GK: variants seen among roughly 807,000 people sequenced by gnomAD.
GK encodes ATP:glycerol 3-phosphotransferase.
In GK, 9 loss-of-function variants were observed where a neutral mutation model predicts 56.4. That is an observed-to-expected ratio of 0.16 (90% confidence interval 0.10 to 0.28). The LOEUF (loss-of-function observed/expected upper bound fraction) is 0.28. Ranked by LOEUF, GK falls within the 10% of genes least tolerant of loss-of-function variation. GK has a pLI of 1.00. For missense variants in GK, 161 were observed against 431.4 expected, an observed-to-expected ratio of 0.37 and a Z score of 5.55; for synonymous variants, 104 against 144.1, an observed-to-expected ratio of 0.72 and a Z score of 1.99.
chrX:30,685,232 C>T (rs1283122859), intron 4 of GK, among the ~76,000 whole-genome samples: 1 of 110,488 alleles, frequency 9.1e-6, no homozygotes, highest in African/African-American at 3.3e-5. Context: ...CCCGGGTTCA[C>T]GCCATTCTCC....
intron 4 of GK, chrX:30,677,864 C>T: frequency 4.5e-6 from 2 of 444,192 alleles, no homozygotes; most frequent in Admixed American, 7.9e-5. Context: ...CACATGCAGT[C>T]ATGGTACCTA....
intron 4 of GK, among the ~76,000 whole-genome samples, chrX:30,688,538 A>G (rs1284423817): frequency 9.2e-6 from 1 of 108,744 alleles, no homozygotes; most frequent in African/African-American, 3.3e-5. Context: ...AGAGAGAGAA[A>G]GAAAACAGGT....
In GK at chrX:30,727,649, T is replaced by G. The variant is rs375216871; in HGVS notation, c.1669+97T>G. The G allele has an allele frequency of 3.7e-3, 2,071 of 563,877 alleles. 31 individuals are homozygous for G. In the South Asian group the frequency reaches 0.052, roughly 14 times the overall value. 46.5% of individuals were successfully genotyped at this position (563,877 alleles called of 1,213,427 possible). ...TTTTCAGTGTTTTTCATTCTTTCTG[T>G]GTCTAGGAAGCTGGAAAATCAATAA... On this transcript the variant is annotated intron_variant, in intron 20 of 20. Transcript: ENST00000427190.
intron 1 of GK, among the ~76,000 whole-genome samples, chrX:30,664,702 CTTTTTTTTT>C (rs35313243): frequency 1.7e-5 from 1 of 57,675 alleles, no homozygotes; most frequent in Non-Finnish European, 3.1e-5. Flanking sequence ...ACTCTATTGC[CTTTTTTTTT>C]TTTTTTTTTT....
At chrX:30,727,341 T>C (rs1246860163) in intron 19 of GK, 125 bp from the exon 20 acceptor site, 2 of 487,043 alleles carry the variant, frequency 4.1e-6, no homozygotes, top group Non-Finnish European at 7.2e-6. Context: ...CTAGCTTTTA[T>C]GAATATACTA....
chrX:30,659,267 A>G (rs931939293), intron 1 of GK, among the ~76,000 whole-genome samples: 5 of 111,801 alleles, frequency 4.5e-5, no homozygotes, highest in Non-Finnish European at 9.4e-5. Context: ...TCCCTACCTC[A>G]GGTGATCTAC....
At chrX:30,664,812 T>G (rs1438225946) in intron 1 of GK, among the ~76,000 whole-genome samples, 1 of 104,330 alleles carries the variant, frequency 9.6e-6, no homozygotes, top group Admixed American at 1.1e-4. Context: ...CAAGGGATTC[T>G]CCTGTCTCAG....
chrX:30,689,371 C>A, intron 4 of GK: 1 of 281,333 alleles, frequency 3.6e-6, no homozygotes, highest in Non-Finnish European at 7.0e-6. Context: ...ATGATGATGT[C>A]ACTAATGGCT....
intron 9 of GK, among the ~76,000 whole-genome samples, chrX:30,699,275 A>G (rs1437802441): frequency 1.7e-5 from 1 of 57,410 alleles, no homozygotes; most frequent in African/African-American, 5.1e-5. Flanking sequence ...TATAACATGT[A>G]TATATACAAC....
At chrX:30,678,852 ATT>A (rs58342528) in intron 4 of GK, among the ~76,000 whole-genome samples, 4,686 of 77,063 alleles carry the variant, frequency 0.061, 110 homozygotes, top group Middle Eastern at 0.09. Flanking sequence ...ATGCCCAGCT[ATT>A]TTTTTTTTTT....
chrX:30,674,315 C>T (rs1933732649), intron 3 of GK: 1 of 329,579 alleles, frequency 3.0e-6, no homozygotes, highest in Non-Finnish European at 5.9e-6. Context: ...ACCCTACCTC[C>T]TGCTTCATGG....
intron 15 of GK, 100 bp from the exon 16 acceptor site, chrX:30,719,911 G>T: frequency 3.5e-6 from 2 of 576,922 alleles, no homozygotes; most frequent in Non-Finnish European, 6.1e-6. Flanking sequence ...TCTCTTCCTG[G>T]ACATTTCTGT....
In GK at chrX:30,726,212, T is replaced by C. The variant is rs1245303724; in HGVS notation, c.1583-1254T>C. Among the ~76,000 whole-genome samples the C allele has an allele frequency of 3.6e-5, 4 of 111,941 alleles. No homozygotes were observed. The East Asian group carries it at 1.1e-3, about 31-fold the overall frequency. The stretch of plus-strand genomic sequence containing the variant: ...AGCATTAATGATAAAAGTAATTTGA[T>C]CTTTTGAGAGTTTTATATTTTAAAG... On this transcript the variant is annotated intron_variant, in intron 19 of 20. Transcript: ENST00000427190.
chrX:30,653,566 G>A lies in GK; in HGVS notation c.29G>A (p.Gly10Glu), dbSNP rs1221365548. The change falls in exon 1 of 21, where the codon GGG becomes GAG. Residue 10 changes from glycine (G) to glutamate (E), a missense_variant. Coordinates refer to ENST00000427190, the MANE Select transcript of GK (RefSeq NM_001205019.2). Reference sequence around the variant, plus strand: ...GCAGCCTCAAAGAAGGCAGTTTTGGGGCCATTGGTGGGGGCGGTGGACCAG... The same window carrying A: ...GCAGCCTCAAAGAAGGCAGTTTTGGAGCCATTGGTGGGGGCGGTGGACCAG... MAASKKAVL[G>E]PLVGAVDQGT... The A allele has an allele frequency of 7.4e-6, 9 of 1,210,051 alleles. No homozygotes were observed. The highest frequency in any genetic ancestry group is 5.2e-5 in the African/African-American group (3 of 57,420).
At chrX:30,702,197 C>A (rs1935712370) in intron 11 of GK, among the ~76,000 whole-genome samples, 1 of 110,656 alleles carries the variant, frequency 9.0e-6, no homozygotes, top group African/African-American at 3.3e-5. Flanking sequence ...CATGCGCCAC[C>A]ACGCCCAGCT....
At chrX:30,677,509 GTC>G in intron 4 of GK, 57 bp downstream of exon 4, 1 of 689,147 alleles carries the variant, frequency 1.5e-6, no homozygotes, top group Non-Finnish European at 2.4e-6. Flanking sequence ...TGCAAATGTG[GTC>G]ATATTAAAAT....
At position 30,728,780 on chromosome X, in the gene GK, T is replaced by A. The variant is rs1386462336; in HGVS notation, c.*38T>A. On this transcript the variant is annotated 3_prime_UTR_variant, in exon 21 of 21. Transcript: ENST00000427190. ...CATGGATTCCCAAGATGTGAGCTTT[T>A]TACATAATGAAAGAACCCAGCAATT... 5.7e-6 allele frequency: 6 copies of A among 1,052,249 alleles called. No individual in the cohort carries two copies. The highest frequency in any genetic ancestry group is 6.7e-6 in the Non-Finnish European group (5 of 751,503). The allele number at this position is 1,052,249 out of a possible 1,213,427, so 86.7% of individuals were successfully genotyped here.
At chrX:30,705,498 C>G (rs1247143832) in intron 11 of GK, among the ~76,000 whole-genome samples, 1 of 112,668 alleles carries the variant, frequency 8.9e-6, no homozygotes, top group Non-Finnish European at 1.9e-5. Flanking sequence ...CCCCCCTGCC[C>G]CTATGCGCCA....
chrX:30,709,339 C>T (rs1475735905), intron 13 of GK, among the ~76,000 whole-genome samples: 1 of 112,019 alleles, frequency 8.9e-6, no homozygotes, highest in Admixed American at 9.5e-5. Flanking sequence ...AAAACCTTCT[C>T]CTGTCTCCTT....
Sources: gnomAD v4.1 joint callset for allele counts (sites outside exome capture counted in the v4.1 genomes callset) on GRCh38, gnomAD v4.1.1 for gene constraint, MANE v1.5 for transcripts, NCBI Gene and HGNC (gene_info 2026-07-23, HGNC 2026-07-21) for gene names.